DNAH5: variants seen among roughly 807,000 people sequenced by gnomAD.
DNAH5 encodes the protein dynein axonemal heavy chain 5.
A neutral mutation model predicts 518.2 loss-of-function variants in DNAH5; 372 were observed. The observed-to-expected ratio is 0.72, with a 90% CI of 0.66 to 0.78. DNAH5 has a LOEUF of 0.78. Ranked by LOEUF, DNAH5 falls within the 30% of genes least tolerant of loss-of-function variation. The probability of loss-of-function intolerance (pLI) is 0.00; values close to 1 mark genes in which losing one functional copy is unlikely to be tolerated. For synonymous variants in DNAH5, 2,039 were observed against 2,025.9 expected (o/e 1.01, Z -0.17); for missense variants, 5,523 against 5,687.0 (o/e 0.97, Z 0.93).
intron 14 of DNAH5, among the ~76,000 whole-genome samples, chr5:13,901,023 T>C (rs920557736): frequency 2.0e-5 from 3 of 152,138 alleles, no homozygotes; most frequent in African/African-American, 7.2e-5. Flanking sequence ...CACTTTGGAG[T>C]TCGTAAATTA....
rs761409642 is a variant in DNAH5 at position 13,786,317 on chromosome 5, A to G, written c.8682T>C (p.Pro2894=). 5.0e-5 allele frequency: 81 copies of G among 1,614,008 alleles called. No individual in the cohort carries two copies. Among genetic ancestry groups the G allele is most frequent in the Non-Finnish European group, 6.8e-5 (80 of 1,180,030 alleles). The change falls in exon 52 of 79, where the codon CCT becomes CCC. Residue 2894 remains proline, a synonymous_variant. Transcript: ENST00000265104. ...AAGATTCAATTGGCTCATAAATTTT[A>G]GGTGTTTCAGCATCAGCCTCTTCAG... is the stretch of plus-strand genomic sequence containing the variant. ...ETSEEADAET[P]KIYEPIESFS...
rs1295866776 is a variant in DNAH5, at chr5:13,830,011, C to G, written c.6249+15G>C. 2 of 1,610,410 alleles carry G rather than the reference C, an allele frequency of 1.2e-6. No individual in the cohort carries two copies. Among genetic ancestry groups the G allele is most frequent in the Non-Finnish European group, 1.7e-6 (2 of 1,177,110 alleles). On this transcript the variant is annotated intron_variant, in intron 37 of 78. Coordinates refer to ENST00000265104, the MANE Select transcript of DNAH5 (RefSeq NM_001369.3). Reference sequence around the variant, plus strand: ...AGAAGGCTGAAATTCAGTAGCTTTTCTAGCAGCTCCTTACCATGGTTAAGA... The same window carrying G: ...AGAAGGCTGAAATTCAGTAGCTTTTGTAGCAGCTCCTTACCATGGTTAAGA...
intron 1 of DNAH5, among the ~76,000 whole-genome samples, chr5:14,000,439 T>C (rs1037355380): frequency 6.6e-6 from 1 of 152,230 alleles, no homozygotes; most frequent in Non-Finnish European, 1.5e-5. Flanking sequence ...CAGTTTGTGA[T>C]AATTTAGTGC....
At chr5:13,991,400 T>G (rs1014104113) in intron 1 of DNAH5, among the ~76,000 whole-genome samples, 2 of 151,806 alleles carry the variant, frequency 1.3e-5, no homozygotes, top group Non-Finnish European at 2.9e-5. Flanking sequence ...ATCGTTCCCT[T>G]TGGACTAAAT....
intron 1 of DNAH5, among the ~76,000 whole-genome samples, chr5:13,977,579 C>G (rs1167055327): frequency 6.6e-6 from 1 of 152,172 alleles, no homozygotes; most frequent in East Asian, 1.9e-4. Flanking sequence ...CCTCCTCCCT[C>G]TTTCCTGGCT....
intron 11 of DNAH5, among the ~76,000 whole-genome samples, chr5:13,913,382 G>A (rs1399237518): frequency 1.3e-5 from 2 of 151,908 alleles, no homozygotes; most frequent in African/African-American, 2.4e-5. Context: ...CAAAGTACCT[G>A]GTGTCAACTA....
rs1484820884 is a variant in DNAH5 at position 13,735,835 on chromosome 5, A to C, written c.11553T>G (p.Phe3851Leu). Reference sequence around the variant, plus strand: ...AGACGTACCTGGCTAAGGAAAGGTCAAATAAGCCCAGAAACTGGCGAAGCG... The same window carrying C: ...AGACGTACCTGGCTAAGGAAAGGTCCAATAAGCCCAGAAACTGGCGAAGCG... Reference protein sequence around the residue: ...QTSLRQFLGLFDLSLARSVKS... With the variant: ...QTSLRQFLGLLDLSLARSVKS... Residue 3851 changes from phenylalanine to leucine, a missense_variant, in exon 67 of 79, where the codon TTT (phenylalanine) becomes TTG (leucine). By Grantham distance (22) the Phe-to-Leu change is conservative. Around this residue, in one of 3 missense-constraint regions of DNAH5, gnomAD observed 5,121 missense variants for 5,223.3 expected, o/e 0.98. Transcript: ENST00000265104. 6.2e-7 allele frequency: 1 copy of C among 1,614,168 alleles called. No homozygotes were observed. Among genetic ancestry groups the C allele is most frequent in the South Asian group, 1.1e-5 (1 of 91,088 alleles).
At chr5:13,960,520 G>A (rs907381855) in intron 1 of DNAH5, among the ~76,000 whole-genome samples, 2 of 152,162 alleles carry the variant, frequency 1.3e-5, no homozygotes, top group Non-Finnish European at 2.9e-5. Flanking sequence ...ATTGCCCATG[G>A]CTGCGTTCAT....
intron 40 of DNAH5, 37 bp downstream of exon 40, chr5:13,823,226 C>G: frequency 7.4e-7 from 1 of 1,346,438 alleles, no homozygotes; most frequent in East Asian, 2.3e-5. Context: ...TCAGATGAAA[C>G]AGACACCAGC....
chr5:13,944,452 G>A lies in DNAH5; in HGVS notation c.-14C>T. ...AATCCTAAACATTGTAGCCGTGCAT[G>A]GACAGGCTGGAGTCAGCTCTTCCGG... is the stretch of plus-strand genomic sequence containing the variant. On this transcript the variant is annotated 5_prime_UTR_variant, in exon 1 of 79. Transcript: ENST00000265104. 2 of 1,611,510 alleles carry A rather than the reference G, an allele frequency of 1.2e-6. No individual in the cohort carries two copies. The highest frequency in any genetic ancestry group is 1.3e-5 in the African/African-American group (1 of 75,030).
intron 23 of DNAH5, 128 bp downstream of exon 23, chr5:13,871,436 G>T: frequency 1.2e-6 from 1 of 807,980 alleles, no homozygotes; most frequent in Non-Finnish European, 2.0e-6. Context: ...CCACAAATTG[G>T]TTTTAAAGCT....
chr5:13,829,717 T>G lies in DNAH5; in HGVS notation c.6250-13A>C. On this transcript the variant is annotated splice_polypyrimidine_tract_variant and intron_variant, in intron 37 of 78. Coordinates refer to ENST00000265104, the MANE Select transcript of DNAH5 (RefSeq NM_001369.3). ...CATAGCCAGGATTCTAAACAGAAAA[T>G]AAAGCCCAAGGATGAATGATGCAAT... is the stretch of plus-strand genomic sequence containing the variant. The G allele has an allele frequency of 1.9e-6, 3 of 1,612,238 alleles. No homozygotes were observed. The South Asian group carries it at 3.3e-5, about 18-fold the overall frequency.
At chr5:13,851,175 A>T (rs1766784965) in intron 30 of DNAH5, among the ~76,000 whole-genome samples, 1 of 152,224 alleles carries the variant, frequency 6.6e-6, no homozygotes, top group South Asian at 2.1e-4. Context: ...TATTTTCTCT[A>T]TTGAGCACTG....
At chr5:13,944,198 A>AT (rs915117437) in intron 1 of DNAH5, among the ~76,000 whole-genome samples, 184 bp downstream of exon 1, 1 of 152,148 alleles carries the variant, frequency 6.6e-6, no homozygotes, top group African/African-American at 2.4e-5. Context: ...CAGATGCAAA[A>AT]TTTTTTTTAT....
At chr5:13,829,393 A>C in intron 38 of DNAH5, 117 bp downstream of exon 38, 1 of 959,378 alleles carries the variant, frequency 1.0e-6, no homozygotes, top group Non-Finnish European at 1.6e-6. Context: ...CTTTCTACTC[A>C]GTGTCAATAA....
intron 47 of DNAH5, among the ~76,000 whole-genome samples, chr5:13,799,205 T>TG (rs1168705849): frequency 1.6e-5 from 1 of 60,862 alleles, no homozygotes; most frequent in South Asian, 3.8e-4. Context: ...AAGAATTTCA[T>TG]ACCCCCCCCC....
At chr5:13,948,946 G>A (rs1780147405), upstream of DNAH5, among the ~76,000 whole-genome samples, 1 of 152,132 alleles carries the variant, frequency 6.6e-6, no homozygotes, top group African/African-American at 2.4e-5. Context: ...CCAATATATT[G>A]CTGCCCCTAA....
Position 13,922,225 on chromosome 5 carries a change from T to C in DNAH5, c.542A>G (p.His181Arg), listed in dbSNP as rs1380926574. 1.9e-6 allele frequency: 3 copies of C among 1,613,834 alleles called. No homozygotes were observed. The highest frequency in any genetic ancestry group is 1.7e-6 in the Non-Finnish European group (2 of 1,179,966). Residue 181 changes from histidine (H) to arginine (R), a missense_variant, in exon 5 of 79, where the codon CAT becomes CGT. This residue lies in a region of DNAH5 where 5,121 missense variants were observed against 5,223.3 expected (regional missense o/e 0.98). Transcript: ENST00000265104. ...AAGGCCCTCGAGCTCGCCCCAGCCA[T>C]GGCTCGTGGCTCTGAGAGCAGGAAT... ...IFIPALRATS[H>R]GWGELEGLQD...
chr5:14,003,750 T>C (rs441254), intron 1 of DNAH5, among the ~76,000 whole-genome samples: 108,650 of 152,178 alleles, frequency 0.71, 39,040 homozygotes, highest in South Asian at 0.8. Flanking sequence ...GGCCAAGCCT[T>C]GCTCTCTGGA....
Sources: allele counts gnomAD v4.1 joint callset (sites outside exome capture counted in the v4.1 genomes callset), GRCh38; gene constraint gnomAD v4.1.1; regional missense constraint gnomAD v4.1.1; transcripts MANE v1.5; gene names NCBI Gene and HGNC (gene_info 2026-07-23, HGNC 2026-07-21).